OSBPL6: variants seen among roughly 807,000 people sequenced by gnomAD.
OSBPL6 encodes the protein oxysterol binding protein like 6.
OSBPL6 carries 49 observed loss-of-function variants against 125.8 expected under a neutral mutation model. The observed-to-expected ratio is 0.39, with a 90% confidence interval of 0.31 to 0.49. The LOEUF (loss-of-function observed/expected upper bound fraction) is 0.49, where lower values mean the gene tolerates loss of function less well. OSBPL6 is among the 20% of genes least tolerant of loss of function. The pLI is 0.88. For missense variants in OSBPL6, 986 were observed against 1,135.4 expected (o/e 0.87, Z 1.89); for synonymous variants, 394 against 391.8 (o/e 1.01, Z -0.07).
chr2:178,328,187 A>T, intron 4 of OSBPL6, 69 bp from the exon 5 acceptor site: 3 of 1,591,222 alleles, frequency 1.9e-6, no homozygotes, highest in Non-Finnish European at 2.6e-6. Flanking sequence ...ACTTCTACTT[A>T]AGAATCTGCT....
At chr2:178,324,648 A>G (rs1291886310) in intron 4 of OSBPL6, among the ~76,000 whole-genome samples, 1 of 152,240 alleles carries the variant, frequency 6.6e-6, no homozygotes, top group Non-Finnish European at 1.5e-5. Context: ...CATGTACTGC[A>G]TCACCGGACA....
intron 20 of OSBPL6, among the ~76,000 whole-genome samples, chr2:178,388,624 A>G (rs1695144924): frequency 6.6e-6 from 1 of 152,206 alleles, no homozygotes; most frequent in Admixed American, 6.5e-5. Context: ...GCCTCTTCTA[A>G]GGTGTCTTCC....
At position 178,332,887 on chromosome 2, in the gene OSBPL6, G is replaced by T. The variant is rs1300951149; in HGVS notation, c.503G>T (p.Trp168Leu). 5.0e-6 allele frequency: 8 copies of T among 1,612,708 alleles called. No homozygotes were observed. The highest frequency in any genetic ancestry group is 4.4e-5 in the South Asian group (4 of 91,058). ...IYHLKVKSQD[W>L]FDAWVSKLRH... The stretch of plus-strand genomic sequence containing the variant: ...TTGTTTTAGGTGAAATCCCAGGACT[G>T]GTTTGATGCATGGGTCTCCAAACTG... Residue 168 changes from tryptophan to leucine, a missense_variant, in exon 8 of 25, where the codon TGG becomes TTG. Trp to Leu is a moderately conservative substitution (Grantham distance 61). Transcript: ENST00000190611.
At chr2:178,366,181 T>C (rs551778580) in intron 13 of OSBPL6, among the ~76,000 whole-genome samples, 1 of 152,320 alleles carries the variant, frequency 6.6e-6, no homozygotes, top group African/African-American at 2.4e-5. Context: ...CATGAACCAC[T>C]GCACCCAGCT....
chr2:178,402,162 C>T lies in OSBPL6; in HGVS notation c.*6603C>T, dbSNP rs1047215045. The T allele has an allele frequency of 3.9e-5, 6 of 152,168 alleles. No homozygotes were observed. Among genetic ancestry groups the T allele is most frequent in the Non-Finnish European group, 5.9e-5 (4 of 68,022 alleles). 9.4% of individuals were successfully genotyped at this position (152,168 alleles called of 1,614,324 possible). On this transcript the variant is annotated 3_prime_UTR_variant, in exon 25 of 25. Coordinates refer to ENST00000190611, the MANE Select transcript of OSBPL6 (RefSeq NM_032523.4). ...AAAATTAGAGCTCAGTGACCTGTGA[C>T]TCACTTTGCCACTTTGTCATTTTCT...
Position 178,246,872 on chromosome 2 carries a change from C to G in OSBPL6, c.-350-38055C>G, listed in dbSNP as rs181414232. Among the ~76,000 whole-genome samples the G allele has an allele frequency of 1.4e-4, 21 of 152,216 alleles. No individual in the cohort carries two copies. The East Asian group carries it at 4.1e-3, about 29-fold the overall frequency. On this transcript the variant is annotated intron_variant, in intron 1 of 24. Transcript: ENST00000190611. ...TAAAGGCCCCTGACTCTGCACTTGC[C>G]TTCGTCACAGGGACAGAGCCACGTC...
chr2:178,232,209 T>C (rs1559142023), intron 1 of OSBPL6, among the ~76,000 whole-genome samples: 1 of 152,236 alleles, frequency 6.6e-6, no homozygotes, highest in Non-Finnish European at 1.5e-5. Context: ...AATGAAGATA[T>C]ATTTTTATAA....
intron 3 of OSBPL6, among the ~76,000 whole-genome samples, chr2:178,314,405 A>G (rs1234340292): frequency 6.6e-6 from 1 of 152,136 alleles, no homozygotes; most frequent in Admixed American, 6.5e-5. Context: ...CAGTTCAGAG[A>G]GAAACACTAA....
At chr2:178,305,562 T>A (rs1318482292) in intron 2 of OSBPL6, among the ~76,000 whole-genome samples, 1 of 152,236 alleles carries the variant, frequency 6.6e-6, no homozygotes, top group Non-Finnish European at 1.5e-5. Flanking sequence ...AAATGCTGGA[T>A]CACAGGATGC....
At chr2:178,329,287 G>C (rs1688977228) in intron 5 of OSBPL6, among the ~76,000 whole-genome samples, 1 of 152,066 alleles carries the variant, frequency 6.6e-6, no homozygotes, top group African/African-American at 2.4e-5. Context: ...CTATCTCTAA[G>C]TTTAAATTAT....
chr2:178,269,240 G>T (rs1369138382), intron 1 of OSBPL6, among the ~76,000 whole-genome samples: 2 of 152,182 alleles, frequency 1.3e-5, no homozygotes, highest in Non-Finnish European at 2.9e-5. Flanking sequence ...CCCCCCTTGG[G>T]TGTGTCACTC....
intron 1 of OSBPL6, among the ~76,000 whole-genome samples, chr2:178,276,781 A>AG (rs1414620564): frequency 3.2e-5 from 4 of 123,676 alleles, no homozygotes; most frequent in African/African-American, 1.3e-4. Flanking sequence ...CCACTAGAAG[A>AG]GTTTTTTTTT....
rs566711578 is a variant in OSBPL6 at position 178,208,016 on chromosome 2, G to A, written c.-351+13342G>A. 3.3e-4 allele frequency among the ~76,000 whole-genome samples: 50 copies of A among 152,276 alleles called. No individual in the cohort carries two copies. The South Asian group carries it at 0.01, about 31-fold the overall frequency. On this transcript the variant is annotated intron_variant, in intron 1 of 24. Coordinates refer to ENST00000190611, the MANE Select transcript of OSBPL6 (RefSeq NM_032523.4). ...AATAAAGTGCCGGGCTGGGCATGGT[G>A]GCTCATGCCTGTAATCCCAGCACTT...
chr2:178,396,679 A>C lies in OSBPL6; in HGVS notation c.*1120A>C, dbSNP rs895654590. 6.6e-6 allele frequency: 1 copy of C among 152,252 alleles called. No individual in the cohort carries two copies. The highest frequency in any genetic ancestry group is 1.5e-5 in the Non-Finnish European group (1 of 68,050). 9.4% of individuals were successfully genotyped at this position (152,252 alleles called of 1,614,324 possible). A position where few individuals can be genotyped will look rare whatever the true frequency, so the allele number is the denominator to read the frequency against. Reference sequence around the variant, plus strand: ...TGCATTGTTTAAATGAATTCTATGCAAAATCATATTTCAAATTTTCATCAA... The same window carrying C: ...TGCATTGTTTAAATGAATTCTATGCCAAATCATATTTCAAATTTTCATCAA... On this transcript the variant is annotated 3_prime_UTR_variant, in exon 25 of 25. Transcript: ENST00000190611.
chr2:178,353,832 G>A (rs1691516832), intron 12 of OSBPL6, among the ~76,000 whole-genome samples: 1 of 152,154 alleles, frequency 6.6e-6, no homozygotes, highest in Non-Finnish European at 1.5e-5. Flanking sequence ...AATATTAAGG[G>A]CAGCCCAAGA....
rs71393413 is a variant in OSBPL6, at chr2:178,263,806, C to CGTGTGTGTGT, written c.-350-21099_-350-21090dup. ...CGGCAGAGACACTCAACTGTGTACA[C>CGTGTGTGTGT]GTGTGTGTGTGTGTGTGTGTGTGTG... On this transcript the variant is annotated intron_variant, in intron 1 of 24. Transcript: ENST00000190611. Among the ~76,000 whole-genome samples, 14 of 147,904 alleles carry CGTGTGTGTGT rather than the reference C, an allele frequency of 9.5e-5. No individual in the cohort carries two copies. In the East Asian group the frequency reaches 1.0e-3, roughly 11 times the overall value.
chr2:178,287,943 T>C (rs961236937), intron 2 of OSBPL6, among the ~76,000 whole-genome samples: 1 of 143,850 alleles, frequency 7.0e-6, no homozygotes, highest in Admixed American at 7.4e-5. Flanking sequence ...GGAGCTGTTG[T>C]TGACATATGA....
At chr2:178,214,810 G>A (rs2090019964) in intron 1 of OSBPL6, among the ~76,000 whole-genome samples, 1 of 151,936 alleles carries the variant, frequency 6.6e-6, no homozygotes, top group Non-Finnish European at 1.5e-5. Flanking sequence ...AATCAGCCAG[G>A]TATGGTGGCA....
rs965700742 is a variant in OSBPL6, at chr2:178,315,143, C to T, written c.102+8857C>T. Among the ~76,000 whole-genome samples the T allele has an allele frequency of 4.6e-5, 7 of 152,298 alleles. No individual in the cohort carries two copies. The East Asian group carries it at 9.6e-4, about 21-fold the overall frequency. ...CTCAATTTTTTGCATTTTTACTACA[C>T]GTATTGCTTTTGGAATGAGAAGTTT... On this transcript the variant is annotated intron_variant, in intron 3 of 24. Coordinates refer to ENST00000190611, the MANE Select transcript of OSBPL6 (RefSeq NM_032523.4).
Sources: allele counts gnomAD v4.1 joint callset (sites outside exome capture counted in the v4.1 genomes callset), GRCh38; gene constraint gnomAD v4.1.1; transcripts MANE v1.5; gene names NCBI Gene and HGNC (gene_info 2026-07-23, HGNC 2026-07-21).